DDC: variants seen among roughly 807,000 people sequenced by gnomAD.
DDC encodes the protein aromatic-L-amino-acid decarboxylase.
In DDC, 43 loss-of-function variants were observed where a neutral mutation model predicts 60.0. The ratio of observed to expected loss-of-function variants is 0.72; its 90% CI spans 0.56 to 0.92. DDC has a LOEUF of 0.92. Among genes scored for constraint, DDC ranks in the 40% least tolerant of loss-of-function variants. The pLI is 0.00. For synonymous variants in DDC, 232 were observed against 234.6 expected (o/e 0.99, Z 0.10); for missense variants, 573 against 620.2 (o/e 0.92, Z 0.81).
intron 11 of DDC, among the ~76,000 whole-genome samples, chr7:50,475,320 G>A (rs2042617307): frequency 6.6e-6 from 1 of 152,196 alleles, no homozygotes; most frequent in Admixed American, 6.5e-5. Flanking sequence ...AAGTCAGATT[G>A]ACAATGGGAT....
intron 1 of DDC, among the ~76,000 whole-genome samples, chr7:50,554,169 T>A (rs1484486479): frequency 6.6e-6 from 1 of 152,202 alleles, no homozygotes; most frequent in Non-Finnish European, 1.5e-5. Context: ...CTGAGGCTCC[T>A]TCTCAGCCTC....
chr7:50,527,217 C>T (rs4947621), intron 6 of DDC, among the ~76,000 whole-genome samples: 144,009 of 152,254 alleles, frequency 0.95, 68,232 homozygotes, highest in Non-Finnish European at 0.98. Context: ...TTACGACATA[C>T]GCTATAAGTG....
chr7:50,514,436 A>G (rs1283898766), intron 6 of DDC, among the ~76,000 whole-genome samples: 4 of 152,204 alleles, frequency 2.6e-5, no homozygotes, highest in Non-Finnish European at 5.9e-5. Context: ...ACACCCCCCA[A>G]AAAAATCACA....
At chr7:50,530,669 AG>A (rs35008528) in intron 4 of DDC, among the ~76,000 whole-genome samples, 15,203 of 152,080 alleles carry the variant, frequency 0.1, 807 homozygotes, top group Non-Finnish European at 0.12. Flanking sequence ...TGCGCTTTTT[AG>A]GGTGCCATGG....
chr7:50,479,662 C>A, intron 10 of DDC, 125 bp downstream of exon 10: 1 of 883,408 alleles, frequency 1.1e-6, no homozygotes, highest in South Asian at 1.3e-5. Context: ...TGCACAGCAC[C>A]CCGTCTTCTC....
At chr7:50,534,121 C>A (rs1219494362) in intron 4 of DDC, among the ~76,000 whole-genome samples, 1 of 152,200 alleles carries the variant, frequency 6.6e-6, no homozygotes, top group Admixed American at 6.5e-5. Context: ...GTTCCGAGGT[C>A]AGTTCCTGGA....
intron 8 of DDC, 26 bp from the exon 9 acceptor site, chr7:50,495,443 A>C: frequency 6.4e-7 from 1 of 1,552,470 alleles, no homozygotes; most frequent in Middle Eastern, 2.1e-4. Context: ...AGTAAGAAAA[A>C]GAAAACATTT....
At chr7:50,493,270 G>A (rs1179391479) in intron 9 of DDC, among the ~76,000 whole-genome samples, 4 of 152,154 alleles carry the variant, frequency 2.6e-5, no homozygotes, top group Non-Finnish European at 5.9e-5. Flanking sequence ...TTCTATCCAG[G>A]CATTGAGGAC....
intron 1 of DDC, among the ~76,000 whole-genome samples, chr7:50,564,953 T>C (rs1310319668): frequency 1.3e-5 from 2 of 152,062 alleles, no homozygotes; most frequent in Non-Finnish European, 2.9e-5. Context: ...GCTGGGGGAA[T>C]AAAATACCCA....
At chr7:50,554,277 T>C (rs1410631761) in intron 1 of DDC, among the ~76,000 whole-genome samples, 1 of 152,066 alleles carries the variant, frequency 6.6e-6, no homozygotes, top group Non-Finnish European at 1.5e-5. Context: ...CAGTGTTCAG[T>C]AAAATGTTTT....
chr7:50,546,990 T>A (rs140527632), intron 1 of DDC, among the ~76,000 whole-genome samples: 26 of 152,342 alleles, frequency 1.7e-4, no homozygotes, highest in African/African-American at 5.5e-4. Context: ...CCTTGGGGCC[T>A]GCAGGCTTTG....
chr7:50,537,046 T>G (rs2044438219), intron 4 of DDC, among the ~76,000 whole-genome samples: 2 of 151,956 alleles, frequency 1.3e-5, no homozygotes, highest in African/African-American at 4.8e-5. Flanking sequence ...TGTTTTTTTT[T>G]TTTTTTTTTA....
intron 1 of DDC, among the ~76,000 whole-genome samples, chr7:50,547,545 T>C (rs1019243710): frequency 6.6e-6 from 1 of 152,206 alleles, no homozygotes; most frequent in African/African-American, 2.4e-5. Context: ...GTGTGATTTC[T>C]CACAAGTATT....
chr7:50,523,450 C>T (rs1000795823), intron 6 of DDC, among the ~76,000 whole-genome samples: 1 of 152,080 alleles, frequency 6.6e-6, no homozygotes, highest in Non-Finnish European at 1.5e-5. Context: ...ACCCAAAATA[C>T]ACAAAGAACT....
chr7:50,559,710 G>A (rs1225616722), intron 1 of DDC, among the ~76,000 whole-genome samples: 1 of 152,232 alleles, frequency 6.6e-6, no homozygotes, highest in East Asian at 1.9e-4. Flanking sequence ...TTACAGGCGT[G>A]AGCCACTGCG....
In DDC at chr7:50,476,649, G is replaced by A. The variant is rs193227256; in HGVS notation, c.1022-6C>T. 9.3e-5 allele frequency: 150 copies of A among 1,611,006 alleles called. No individual in the cohort carries two copies. In the African/African-American group the frequency reaches 1.7e-3, roughly 18 times the overall value. On this transcript the variant is annotated splice_region_variant and splice_polypyrimidine_tract_variant and intron_variant, in intron 10 of 14. Transcript: ENST00000444124. ...CCGGTAGTCAGTGATAAGCCCTGGA[G>A]AAAAGAGAAAGAAAAAGAAAAAAGA...
At chr7:50,458,998 T>G (rs937509338) in intron 14 of DDC, among the ~76,000 whole-genome samples, 155 bp from the exon 15 acceptor site, 2 of 150,870 alleles carry the variant, frequency 1.3e-5, no homozygotes, top group African/African-American at 4.9e-5. Flanking sequence ...GGTCTCCCAC[T>G]GATGCCCAGC....
intron 2 of DDC, chr7:50,542,571 G>GC (rs1225839656): frequency 6.6e-6 from 1 of 152,160 alleles, no homozygotes; most frequent in Admixed American, 6.5e-5. Flanking sequence ...CAGGGACCTT[G>GC]CCCAACGCCT....
intron 4 of DDC, among the ~76,000 whole-genome samples, chr7:50,536,407 G>A (rs148868072): frequency 1.2e-4 from 19 of 152,258 alleles, no homozygotes; most frequent in Non-Finnish European, 1.5e-5. Flanking sequence ...TCACAGGCAC[G>A]CATCCTTAAC....
Sources: allele counts gnomAD v4.1 joint callset (sites outside exome capture counted in the v4.1 genomes callset), GRCh38; gene constraint gnomAD v4.1.1; transcripts MANE v1.5; gene names NCBI Gene and HGNC (gene_info 2026-07-23, HGNC 2026-07-21).